MNAT1: variants seen among roughly 807,000 people sequenced by gnomAD.
MNAT1 encodes MNAT1 component of CDK activating kinase.
A neutral mutation model predicts 42.0 loss-of-function variants in MNAT1; 43 were observed. The ratio of observed to expected loss-of-function variants is 1.02; its 90% confidence interval spans 0.80 to 1.32. The LOEUF is 1.32. Ranked by LOEUF, MNAT1 falls within the 40% of genes most tolerant of loss-of-function variation. The probability of loss-of-function intolerance (pLI) is 0.00; values close to 1 mark genes in which losing one functional copy is unlikely to be tolerated. For synonymous variants in MNAT1, 118 were observed against 120.0 expected (o/e 0.98, Z 0.11); for missense variants, 306 against 350.4 (o/e 0.87, Z 1.01).
At chr14:60,853,796 G>A (rs547728712) in intron 6 of MNAT1, among the ~76,000 whole-genome samples, 138 of 152,270 alleles carry the variant, frequency 9.1e-4, no homozygotes, top group Non-Finnish European at 1.5e-3. Flanking sequence ...TGCATCTATT[G>A]AGAAAATCAT....
At chr14:60,804,168 A>G (rs962572305) in intron 3 of MNAT1, among the ~76,000 whole-genome samples, 20 of 152,220 alleles carry the variant, frequency 1.3e-4, no homozygotes, top group African/African-American at 4.3e-4. Context: ...AGAAAATACA[A>G]TAGGCTTTTT....
intron 6 of MNAT1, among the ~76,000 whole-genome samples, chr14:60,835,036 G>A (rs148825158): frequency 1.4e-3 from 179 of 124,734 alleles, no homozygotes; most frequent in Middle Eastern, 6.8e-3. Flanking sequence ...TCGTTCATTC[G>A]TTCAAAGTCA....
chr14:60,802,962 T>C (rs1180630014), intron 3 of MNAT1, among the ~76,000 whole-genome samples: 2 of 151,098 alleles, frequency 1.3e-5, no homozygotes, highest in Admixed American at 1.3e-4. Flanking sequence ...AGACGGAGTT[T>C]CGCTCTGTCG....
At chr14:60,756,663 A>T (rs2030367407) in intron 1 of MNAT1, among the ~76,000 whole-genome samples, 1 of 152,178 alleles carries the variant, frequency 6.6e-6, no homozygotes, top group South Asian at 2.1e-4. Flanking sequence ...TACTGGGAAG[A>T]TACCATTTGA....
At chr14:60,945,084 A>G (rs914139953) in intron 7 of MNAT1, among the ~76,000 whole-genome samples, 3 of 152,224 alleles carry the variant, frequency 2.0e-5, no homozygotes, top group African/African-American at 7.2e-5. Flanking sequence ...CAAAGCTACT[A>G]AGAACCACTT....
At chr14:60,906,540 G>C (rs974957172) in intron 7 of MNAT1, among the ~76,000 whole-genome samples, 10 of 152,222 alleles carry the variant, frequency 6.6e-5, no homozygotes, top group African/African-American at 2.2e-4. Flanking sequence ...ATATAATTTT[G>C]ATAGCAGGGG....
intron 7 of MNAT1, among the ~76,000 whole-genome samples, chr14:60,939,775 C>G (rs2036099546): frequency 6.6e-6 from 1 of 152,106 alleles, no homozygotes; most frequent in Admixed American, 6.5e-5. Context: ...GAGTTCAGTT[C>G]CTGGAGAGCC....
chr14:60,798,787 A>C (rs2032104060), intron 3 of MNAT1, among the ~76,000 whole-genome samples: 1 of 152,288 alleles, frequency 6.6e-6, no homozygotes, highest in Non-Finnish European at 1.5e-5. Context: ...TGTTGATTTA[A>C]AAAATAATGC....
intron 6 of MNAT1, among the ~76,000 whole-genome samples, chr14:60,834,600 A>C (rs908167236): frequency 4.6e-5 from 7 of 152,184 alleles, no homozygotes; most frequent in African/African-American, 1.7e-4. Context: ...TTTTAGAATA[A>C]GTGCTATGTG....
chr14:60,736,710 C>T (rs1320035700), intron 1 of MNAT1, among the ~76,000 whole-genome samples: 1 of 152,124 alleles, frequency 6.6e-6, no homozygotes, highest in Non-Finnish European at 1.5e-5. Context: ...GCTCTGTGGC[C>T]TTAGGGAAAT....
intron 7 of MNAT1, among the ~76,000 whole-genome samples, chr14:60,947,625 G>GT (rs2036306548): frequency 6.6e-6 from 1 of 152,184 alleles, no homozygotes; most frequent in African/African-American, 2.4e-5. Context: ...AGAGGTTGCA[G>GT]TAAGTCCAGA....
chr14:60,895,484 T>G (rs1291693777), intron 7 of MNAT1, among the ~76,000 whole-genome samples: 1 of 152,216 alleles, frequency 6.6e-6, no homozygotes, highest in Admixed American at 6.5e-5. Context: ...TAAGCTCCAG[T>G]TATCCCTTTA....
At chr14:60,887,543 T>G (rs1270532747) in intron 7 of MNAT1, among the ~76,000 whole-genome samples, 1 of 151,688 alleles carries the variant, frequency 6.6e-6, no homozygotes, top group Non-Finnish European at 1.5e-5. Context: ...TTCATCCATG[T>G]CCCTACAAAG....
In MNAT1 at chr14:60,740,443, T is replaced by C. The variant is rs541614259; in HGVS notation, c.89+5492T>C. ...AATTTTGCTTATTGCATCTCTGTGA[T>C]ATTGTTAAATATGTTCTTCTGTTCT... On this transcript the variant is annotated intron_variant, in intron 1 of 7. Coordinates refer to ENST00000261245, the MANE Select transcript of MNAT1 (RefSeq NM_002431.4). The surrounding 1 kb of genome is among the most constrained non-coding windows in gnomAD (Gnocchi z 4.1). Among the ~76,000 whole-genome samples, 2 of 152,356 alleles carry C rather than the reference T, an allele frequency of 1.3e-5. No homozygotes were observed. The highest frequency in any genetic ancestry group is 2.9e-5 in the Non-Finnish European group (2 of 68,024).
rs146031039 is a variant in MNAT1, at chr14:60,843,861, T to G, written c.687+25014T>G. Among the ~76,000 whole-genome samples, 530 of 152,292 alleles carry G rather than the reference T, an allele frequency of 3.5e-3. 4 individuals are homozygous for G. The highest frequency in any genetic ancestry group is 0.012 in the African/African-American group (514 of 41,552). The stretch of plus-strand genomic sequence containing the variant: ...TTTTTGTGTCCTATCTAAGGAACCT[T>G]TTCCTTCCCCCAAGTCACAACGATA... On this transcript the variant is annotated intron_variant, in intron 6 of 7. Transcript: ENST00000261245.
chr14:60,893,399 C>T (rs1377390612), intron 7 of MNAT1, among the ~76,000 whole-genome samples: 1 of 152,060 alleles, frequency 6.6e-6, no homozygotes, highest in Admixed American at 6.6e-5. Flanking sequence ...AACTCCTCCT[C>T]TTATCTTTGG....
intron 1 of MNAT1, chr14:60,779,883 C>G (rs1470465232): frequency 1.4e-6 from 1 of 718,128 alleles, no homozygotes; most frequent in African/African-American, 1.8e-5. Flanking sequence ...TTTTGAAACT[C>G]TTGGCGGGGA....
At chr14:60,918,430 G>A (rs113446715) in intron 7 of MNAT1, among the ~76,000 whole-genome samples, 8 of 150,760 alleles carry the variant, frequency 5.3e-5, no homozygotes, top group African/African-American at 1.7e-4. Flanking sequence ...GGTTGGTCTC[G>A]ATCTCCTGAC....
chr14:60,862,692 G>C (rs1228556020), intron 6 of MNAT1, among the ~76,000 whole-genome samples: 1 of 152,136 alleles, frequency 6.6e-6, no homozygotes, highest in Non-Finnish European at 1.5e-5. Context: ...ACATTAAAAA[G>C]ATGGAAAATC....
Sources: allele counts gnomAD v4.1 joint callset (sites outside exome capture counted in the v4.1 genomes callset), GRCh38; gene constraint gnomAD v4.1.1; non-coding constraint Gnocchi (gnomAD v3.1); transcripts MANE v1.5; gene names NCBI Gene and HGNC (gene_info 2026-07-23, HGNC 2026-07-21).